Variants in PADI3 observed in about 807,000 individuals in gnomAD.
The protein encoded by PADI3 is peptidyl arginine deiminase 3, also known as protein-arginine deiminase type-3.
A neutral mutation model predicts 71.5 loss-of-function variants in PADI3; 53 were observed. The observed-to-expected ratio is 0.74, with a 90% CI of 0.59 to 0.93. PADI3 has a LOEUF of 0.93. Ranked by LOEUF, PADI3 falls within the 40% of genes least tolerant of loss-of-function variation. The probability of loss-of-function intolerance (pLI) is 0.00; values close to 1 mark genes in which losing one functional copy is unlikely to be tolerated. For missense variants in PADI3, 821 were observed against 868.0 expected (o/e 0.95, Z 0.68); for synonymous variants, 361 against 347.5 (o/e 1.04, Z -0.43).
At chr1:17,252,612 C>T (rs762158427) in intron 1 of PADI3, among the ~76,000 whole-genome samples, 13 of 152,058 alleles carry the variant, frequency 8.5e-5, no homozygotes, top group African/African-American at 1.7e-4. Flanking sequence ...CCATGTTGCC[C>T]GGGCTGGTCT....
At chr1:17,279,873 C>G (rs1410887909) in intron 13 of PADI3, among the ~76,000 whole-genome samples, 1 of 152,144 alleles carries the variant, frequency 6.6e-6, no homozygotes, top group African/African-American at 2.4e-5. Context: ...CTGGGAGGTC[C>G]CCATTTCACG....
At chr1:17,282,475 T>C (rs1213517226) in intron 15 of PADI3, among the ~76,000 whole-genome samples, 1 of 152,144 alleles carries the variant, frequency 6.6e-6, no homozygotes. Flanking sequence ...CATTGTCAGT[T>C]TCAAATTCCT....
rs2073174774 is a variant in PADI3, at chr1:17,266,791, T to C, written c.481T>C (p.Cys161Arg). Reference sequence around the variant, plus strand: ...GAACTGTGACCGTGATGATCCGAGCTGTGATGTCCAGGACAATTGTGACCA... The same window carrying C: ...GAACTGTGACCGTGATGATCCGAGCCGTGATGTCCAGGACAATTGTGACCA... Reference protein sequence around the residue: ...LVNCDRDDPSCDVQDNCDQHV... With the variant: ...LVNCDRDDPSRDVQDNCDQHV... Residue 161 changes from cysteine (C) to arginine (R), a missense_variant, in exon 5 of 16, where the codon TGT becomes CGT. Cys to Arg is a radical substitution (Grantham distance 180). Transcript: ENST00000375460. 6 of 1,614,124 alleles carry C rather than the reference T, an allele frequency of 3.7e-6. No homozygotes were observed. In the East Asian group the frequency reaches 1.3e-4, roughly 36 times the overall value.
In PADI3 at chr1:17,256,839, T is replaced by C. The variant is rs895144024; in HGVS notation, c.93-2739T>C. On this transcript the variant is annotated intron_variant, in intron 1 of 15. Transcript: ENST00000375460. ...CTTGAGGTCAGGAGTTCAAGACCAG[T>C]CTGGCCAATATGGTGAAACCCTGTT... Among the ~76,000 whole-genome samples the C allele has an allele frequency of 2.5e-4, 38 of 151,810 alleles. 1 individual carries two copies. Among genetic ancestry groups the C allele is most frequent in the Non-Finnish European group, 1.8e-4 (12 of 67,890 alleles).
At chr1:17,264,018 C>CTTCTA (rs2073133167) in intron 3 of PADI3, among the ~76,000 whole-genome samples, 1 of 152,174 alleles carries the variant, frequency 6.6e-6, no homozygotes. Context: ...AGAAGCAGAA[C>CTTCTA]TTCTAGGTTA....
At chr1:17,254,144 T>A (rs927330248) in intron 1 of PADI3, among the ~76,000 whole-genome samples, 2 of 152,136 alleles carry the variant, frequency 1.3e-5, no homozygotes, top group African/African-American at 4.8e-5. Context: ...CCACCCAGAT[T>A]ACAGTGGGAC....
intron 1 of PADI3, among the ~76,000 whole-genome samples, chr1:17,249,751 C>A (rs2072942527): frequency 6.6e-6 from 1 of 152,232 alleles, no homozygotes; most frequent in Non-Finnish European, 1.5e-5. Context: ...TTAACCCTTA[C>A]AACAACCCTG....
chr1:17,278,025 G>A (rs1254965098), intron 13 of PADI3: 2 of 153,600 alleles, frequency 1.3e-5, no homozygotes, highest in Non-Finnish European at 2.9e-5. Flanking sequence ...TGGGAGCTAG[G>A]CCTCCGCTGT....
At position 17,273,397 on chromosome 1, in the gene PADI3, G is replaced by C; in HGVS notation, c.1105G>C (p.Asp369His). The change falls in exon 10 of 16, where the codon GAC becomes CAC. Residue 369 changes from aspartate (D) to histidine (H), a missense_variant. Transcript: ENST00000375460. ...APHKTLPVVF[D>H]SPRNGELQDF... ...GCACAAGACCCTCCCGGTGGTCTTT[G>C]ACTCCCCAAGGAATGGGGAACTGCA... 1 of 1,613,838 alleles carries C rather than the reference G, an allele frequency of 6.2e-7. No homozygotes were observed. The highest frequency in any genetic ancestry group is 8.5e-7 in the Non-Finnish European group (1 of 1,179,914).
At chr1:17,257,545 G>A (rs933518122) in intron 1 of PADI3, among the ~76,000 whole-genome samples, 2 of 152,262 alleles carry the variant, frequency 1.3e-5, no homozygotes, top group East Asian at 1.9e-4. Flanking sequence ...TGCTTAGGAG[G>A]AGAAACAGGT....
At position 17,273,459 on chromosome 1, in the gene PADI3, C is replaced by T. The variant is rs200747012; in HGVS notation, c.1155+12C>T. On this transcript the variant is annotated intron_variant, in intron 10 of 15. Transcript: ENST00000375460. Reference sequence around the variant, plus strand: ...ACAAAAGAATCCTGGTGAGTGGTCCCGGCCGCAGCCCACCCCTGAGAGCTG... The same window carrying T: ...ACAAAAGAATCCTGGTGAGTGGTCCTGGCCGCAGCCCACCCCTGAGAGCTG... The T allele has an allele frequency of 1.3e-4, 207 of 1,576,072 alleles. No individual in the cohort carries two copies. Among genetic ancestry groups the T allele is most frequent in the South Asian group, 1.3e-3 (114 of 89,806 alleles).
intron 10 of PADI3, 43 bp from the exon 11 acceptor site, chr1:17,274,592 C>T: frequency 6.3e-7 from 1 of 1,575,340 alleles, no homozygotes; most frequent in Non-Finnish European, 8.6e-7. Context: ...TCAGGCCCTT[C>T]CTGGTACCCT....
At chr1:17,271,983 G>A (rs937758743) in intron 9 of PADI3, among the ~76,000 whole-genome samples, 5 of 152,172 alleles carry the variant, frequency 3.3e-5, no homozygotes, top group Non-Finnish European at 7.3e-5. Flanking sequence ...AGGAGGGAGA[G>A]CATCTGAGCT....
chr1:17,270,531 C>A, intron 7 of PADI3, 120 bp downstream of exon 7: 1 of 965,762 alleles, frequency 1.0e-6, no homozygotes, highest in Non-Finnish European at 1.5e-6. Context: ...ACCTATAGTC[C>A]CAGTTACTTG....
Position 17,274,773 on chromosome 1 carries a change from G to A in PADI3, c.1294G>A (p.Gly432Ser). 1.2e-6 allele frequency: 2 copies of A among 1,613,742 alleles called. No homozygotes were observed. Among genetic ancestry groups the A allele is most frequent in the South Asian group, 1.1e-5 (1 of 91,038 alleles). ...CCCCCTGGGGAGGATCCTCATTGGG[G>A]GCAACCTGCCTGGGTGAGAGAGAGA... The part of the protein sequence containing the change: ...EYPLGRILIG[G>S]NLPGSSGRRV... The change falls in exon 11 of 16, where the codon GGC becomes AGC. Residue 432 changes from glycine to serine, a missense_variant. By Grantham distance (56) the Gly-to-Ser change is moderately conservative. Transcript: ENST00000375460.
intron 3 of PADI3, among the ~76,000 whole-genome samples, chr1:17,263,974 G>A (rs2073132687): frequency 6.6e-6 from 1 of 152,168 alleles, no homozygotes; most frequent in Non-Finnish European, 1.5e-5. Context: ...TAGCAAAGAA[G>A]TTGAAAATGC....
intron 10 of PADI3, among the ~76,000 whole-genome samples, chr1:17,273,942 A>C (rs2977295): frequency 0.21 from 31,380 of 152,164 alleles, 3,488 homozygotes; most frequent in African/African-American, 0.3. Context: ...GCATCTCATC[A>C]TCACAGTACC....
intron 6 of PADI3, among the ~76,000 whole-genome samples, chr1:17,269,452 G>T (rs150380317): frequency 1.2e-4 from 19 of 152,316 alleles, no homozygotes; most frequent in African/African-American, 4.6e-4. Flanking sequence ...AATGCAGGTT[G>T]CTTGAGGTCA....
chr1:17,257,493 A>G (rs2073042591), intron 1 of PADI3, among the ~76,000 whole-genome samples: 1 of 152,254 alleles, frequency 6.6e-6, no homozygotes, highest in South Asian at 2.1e-4. Flanking sequence ...ATTCAAGTCC[A>G]ACTGAGCTTT....
Sources: allele counts gnomAD v4.1 joint callset (sites outside exome capture counted in the v4.1 genomes callset), GRCh38; gene constraint gnomAD v4.1.1; transcripts MANE v1.5; gene names NCBI Gene and HGNC (gene_info 2026-07-23, HGNC 2026-07-21).